HTR3D: variants seen among roughly 807,000 people sequenced by gnomAD.
HTR3D encodes 5-hydroxytryptamine (serotonin) receptor 3 family member D.
A neutral mutation model predicts 45.8 loss-of-function variants in HTR3D; 47 were observed. The observed-to-expected ratio is 1.03, with a 90% CI of 0.81 to 1.31. The LOEUF is 1.31. HTR3D is among the 50% of genes most tolerant of loss of function. HTR3D has a pLI of 0.00. For missense variants in HTR3D, 448 were observed against 506.9 expected, an observed-to-expected ratio of 0.88 and a Z score of 1.12; for synonymous variants, 203 against 199.8, an observed-to-expected ratio of 1.02 and a Z score of -0.13.
Position 184,038,653 on chromosome 3 carries a change from C to T in HTR3D, c.985+29C>T, listed in dbSNP as rs112275937. 0.061 allele frequency: 96,884 copies of T among 1,594,914 alleles called. 3,582 individuals carry two copies. Among genetic ancestry groups the T allele is most frequent in the East Asian group, 0.19 (8,066 of 43,460 alleles). On this transcript the variant is annotated intron_variant, in intron 7 of 7. Transcript: ENST00000428798. The surrounding 1 kb of genome is among the most constrained non-coding windows in gnomAD (Gnocchi z 4.5). ...AGGGAAGTCATACTTCCTCTTCCCC[C>T]ACCTCCACTTCTCTGCTCCTGCCTC...
intron 4 of HTR3D, 36 bp downstream of exon 4, chr3:184,036,580 G>T: frequency 6.2e-7 from 1 of 1,612,196 alleles, no homozygotes; most frequent in Non-Finnish European, 8.5e-7. Flanking sequence ...GAGAGGCAGA[G>T]AAAGGGCTTT....
At chr3:184,037,559 A>G (rs1005592303) in intron 5 of HTR3D, among the ~76,000 whole-genome samples, 10 of 152,210 alleles carry the variant, frequency 6.6e-5, no homozygotes, top group African/African-American at 2.4e-4. Context: ...GAGTTAGGAA[A>G]CACTGCCTTA....
At chr3:184,035,394 G>C (rs56168811) in intron 2 of HTR3D, among the ~76,000 whole-genome samples, 172 bp downstream of exon 2, 4,732 of 152,252 alleles carry the variant, frequency 0.031, 105 homozygotes, top group Non-Finnish European at 0.048. Context: ...TGCTGGTTTA[G>C]GAGGGCAGAA....
rs201385302 is a variant in HTR3D at position 184,036,254 on chromosome 3, G to C, written c.198-121G>C. On this transcript the variant is annotated intron_variant, in intron 3 of 7. Coordinates refer to ENST00000428798, the MANE Select transcript of HTR3D (RefSeq NM_001145143.1). ...CCAGAATATGATTATAGGTAGAAGA[G>C]AGCAGTCATCTGAGTGGGGCTGGAG... 86 of 1,498,628 alleles carry C rather than the reference G, an allele frequency of 5.7e-5. No homozygotes were observed. The East Asian group carries it at 1.9e-3, about 34-fold the overall frequency. 92.8% of individuals were successfully genotyped at this position (1,498,628 alleles called of 1,614,324 possible).
rs765436375 is a variant in HTR3D at position 184,036,422 on chromosome 3, A to T, written c.245A>T (p.Lys82Met). Residue 82 changes from lysine (K) to methionine (M), a missense_variant, in exon 4 of 8, where the codon AAG (lysine) becomes ATG (methionine). Lys to Met is a moderately conservative substitution (Grantham distance 95). Coordinates refer to ENST00000428798, the MANE Select transcript of HTR3D (RefSeq NM_001145143.1). ...CTCATGGCTAGTATGTCAATAGTGA[A>T]GGCCACATCAAACACAATAAGCCAA... ...AGLMASMSIV[K>M]ATSNTISQCG... 2 of 1,614,224 alleles carry T rather than the reference A, an allele frequency of 1.2e-6. No homozygotes were observed. The highest frequency in any genetic ancestry group is 1.7e-6 in the Non-Finnish European group (2 of 1,180,048).
At chr3:184,037,994 C>A in intron 5 of HTR3D, 27 bp from the exon 6 acceptor site, 1 of 1,609,156 alleles carries the variant, frequency 6.2e-7, no homozygotes, top group South Asian at 1.1e-5. Context: ...CTACTTCTCA[C>A]TTGCCCCTCC....
chr3:184,036,392 C>T lies in HTR3D; in HGVS notation c.215C>T (p.Ala72Val), dbSNP rs764122723. Residue 72 changes from alanine (A) to valine (V), a missense_variant, in exon 4 of 8, where the codon GCA becomes GTA. Ala to Val is a moderately conservative substitution (Grantham distance 64). Coordinates refer to ENST00000428798, the MANE Select transcript of HTR3D (RefSeq NM_001145143.1). ...AGCATCAGTGTGGATCAGACACCTG[C>T]AGGTCTCATGGCTAGTATGTCAATA... ...FIEESVDQTP[A>V]GLMASMSIVK... 6.2e-7 allele frequency: 1 copy of T among 1,614,058 alleles called. No homozygotes were observed. Among genetic ancestry groups the T allele is most frequent in the Non-Finnish European group, 8.5e-7 (1 of 1,180,042 alleles).
intron 5 of HTR3D, 104 bp from the exon 6 acceptor site, chr3:184,037,917 T>G (rs1165730671): frequency 7.1e-7 from 1 of 1,414,042 alleles, no homozygotes; most frequent in African/African-American, 1.4e-5. Context: ...TAATATTTCC[T>G]TACTAGACAG....
chr3:184,036,191 G>C, intron 3 of HTR3D, 91 bp downstream of exon 3: 1 of 1,490,742 alleles, frequency 6.7e-7, no homozygotes, highest in Non-Finnish European at 8.9e-7. Context: ...ACTCAACTTA[G>C]AAAAGAGCAG....
chr3:184,031,552 A>T, upstream of HTR3D: 1 of 548,790 alleles, frequency 1.8e-6, no homozygotes, highest in Admixed American at 3.0e-5. Flanking sequence ...GGCTAGATTC[A>T]GGCCCAGTTA....
chr3:184,031,685 G>C, upstream of HTR3D: 1 of 1,291,740 alleles, frequency 7.7e-7, no homozygotes, highest in Non-Finnish European at 1.1e-6. Context: ...GTGATCTGAG[G>C]TTTTTTAAAG....
At chr3:184,035,748 C>T (rs562939669) in intron 2 of HTR3D, among the ~76,000 whole-genome samples, 13 of 150,750 alleles carry the variant, frequency 8.6e-5, no homozygotes, top group South Asian at 2.1e-4. Flanking sequence ...GGCAGTGGTG[C>T]GATCTCAGCC....
intron 1 of HTR3D, among the ~76,000 whole-genome samples, chr3:184,033,660 T>C (rs1722807183): frequency 6.6e-6 from 1 of 152,118 alleles, no homozygotes. Context: ...CTCATGCCTG[T>C]AATCTCAGCA....
At chr3:184,034,700 A>G (rs539694380) in intron 1 of HTR3D, among the ~76,000 whole-genome samples, 140 of 98,412 alleles carry the variant, frequency 1.4e-3, no homozygotes, top group Non-Finnish European at 2.1e-3. Context: ...GTGTGCCTCT[A>G]ATCCCAGCTG....
In HTR3D at chr3:184,036,157, T is replaced by C. The variant is rs1292944954; in HGVS notation, c.197+57T>C. 3 of 1,520,260 alleles carry C rather than the reference T, an allele frequency of 2.0e-6. No individual in the cohort carries two copies. The Admixed American group carries it at 6.6e-5, about 34-fold the overall frequency. The allele number at this position is 1,520,260 out of a possible 1,614,324, so 94.2% of individuals were successfully genotyped here. A position where few individuals can be genotyped will look rare whatever the true frequency, so the allele number is the denominator to read the frequency against. On this transcript the variant is annotated intron_variant, in intron 3 of 7. Transcript: ENST00000428798. Reference sequence around the variant, plus strand: ...ACCACGTCTACAGGGAAGGACACAATGTTACCGATAAGGCCACACAAAGAC... The same window carrying C: ...ACCACGTCTACAGGGAAGGACACAACGTTACCGATAAGGCCACACAAAGAC...
intron 1 of HTR3D, among the ~76,000 whole-genome samples, chr3:184,033,532 A>G (rs1343910346): frequency 6.6e-6 from 1 of 152,244 alleles, no homozygotes; most frequent in African/African-American, 2.4e-5. Context: ...AGCACAAGAA[A>G]AGGTGTATGT....
chr3:184,032,995 A>C (rs1722792161), intron 1 of HTR3D: 1 of 1,551,996 alleles, frequency 6.4e-7, no homozygotes, highest in East Asian at 2.4e-5. Flanking sequence ...CTATTGGTCC[A>C]GTCACCAACT....
chr3:184,035,445 G>A (rs1722857866), intron 2 of HTR3D, among the ~76,000 whole-genome samples: 1 of 152,184 alleles, frequency 6.6e-6, no homozygotes, highest in African/African-American at 2.4e-5. Flanking sequence ...AAGGCCATGG[G>A]AGTCAATACT....
At position 184,038,394 on chromosome 3, in the gene HTR3D, C is replaced by T; in HGVS notation, c.770-15C>T. 1 of 1,614,158 alleles carries T rather than the reference C, an allele frequency of 6.2e-7. No homozygotes were observed. Among genetic ancestry groups the T allele is most frequent in the Non-Finnish European group, 8.5e-7 (1 of 1,180,022 alleles). ...GTGGCGCCTCTGGCCCTCATGCAGA[C>T]CCCCTTGCCTGCAGGTGTCTACTTC... is the stretch of plus-strand genomic sequence containing the variant. On this transcript the variant is annotated splice_polypyrimidine_tract_variant and intron_variant, in intron 6 of 7. Coordinates refer to ENST00000428798, the MANE Select transcript of HTR3D (RefSeq NM_001145143.1). The surrounding 1 kb of genome is among the most constrained non-coding windows in gnomAD (Gnocchi z 4.5).
Sources: gnomAD v4.1 joint callset for allele counts (sites outside exome capture counted in the v4.1 genomes callset) on GRCh38, gnomAD v4.1.1 for gene constraint, Gnocchi (gnomAD v3.1) non-coding constraint, MANE v1.5 for transcripts, NCBI Gene and HGNC (gene_info 2026-07-23, HGNC 2026-07-21) for gene names.